Variants in REPIN1 observed in about 807,000 individuals in gnomAD.
The protein encoded by REPIN1 is DNA-binding protein REPIN1.
A neutral mutation model predicts 5.7 loss-of-function variants in REPIN1; 4 were observed. That is an observed-to-expected ratio of 0.71 (90% CI 0.35 to 1.62). The LOEUF (loss-of-function observed/expected upper bound fraction) is 1.62, where lower values mean the gene tolerates loss of function less well. Among genes scored for constraint, REPIN1 ranks in the 40% most tolerant of loss-of-function variants. The pLI, the probability that REPIN1 is intolerant of heterozygous loss-of-function variation, is 0.05. For synonymous variants in REPIN1, 410 were observed against 386.2 expected (o/e 1.06, Z -0.72); for missense variants, 854 against 901.0 (o/e 0.95, Z 0.67).
Position 150,371,351 on chromosome 7 carries a change from G to T in REPIN1, c.281G>T (p.Gly94Val). 1 of 1,589,074 alleles carries T rather than the reference G, an allele frequency of 6.3e-7. No individual in the cohort carries two copies. Residue 94 changes from glycine (G) to valine (V), a missense_variant, in exon 3 of 3, where the codon GGG (glycine) becomes GTG (valine). This residue lies in a region of REPIN1 where 409 missense variants were observed against 418.6 expected (regional missense o/e 0.98). Transcript: ENST00000489432. ...CAGACCCTGGGGAAGGAGTCCCGCG[G>T]GCTGAGGCAACAAGGCACGTCAGTG... The part of the protein sequence containing the change: ...SPQTLGKESR[G>V]LRQQGTSVAQ...
At chr7:150,369,577 T>G in intron 1 of REPIN1, 94 bp from the exon 2 acceptor site, 1 of 1,113,016 alleles carries the variant, frequency 9.0e-7, no homozygotes, top group Non-Finnish European at 1.3e-6. Flanking sequence ...CGTGTGGCTT[T>G]GTGGGGGGAG....
intron 2 of REPIN1, chr7:150,370,479 C>T (rs1799539766): frequency 2.2e-6 from 1 of 462,712 alleles, no homozygotes. Flanking sequence ...GGGCTCTGCT[C>T]CTGTTCCCCG....
chr7:150,371,902 G>T lies in REPIN1; in HGVS notation c.832G>T (p.Ala278Ser), dbSNP rs748725565. ...ALGPRPRGRP[A>S]VTAPRPGGDA... is the part of the protein sequence containing the mutation. The stretch of plus-strand genomic sequence containing the variant: ...GGGGCCCCGGCCCAGGGGCCGCCCC[G>T]CGGTGACCGCCCCCCGGCCCGGTGG... Residue 278 changes from alanine (A) to serine (S), a missense_variant, in exon 3 of 3, where the codon GCG (alanine) becomes TCG (serine). Coordinates refer to ENST00000489432, the MANE Select transcript of REPIN1 (RefSeq NM_001099695.2). 1.9e-6 allele frequency: 3 copies of T among 1,607,272 alleles called. No homozygotes were observed. The highest frequency in any genetic ancestry group is 2.7e-5 in the African/African-American group (2 of 74,850).
chr7:150,372,815 G>T lies in REPIN1; in HGVS notation c.1745G>T (p.Ser582Ile). Residue 582 changes from serine to isoleucine, a missense_variant, in exon 3 of 3, where the codon AGC becomes ATC. This residue lies in a region of REPIN1 where 101 missense variants were observed against 124.7 expected (regional missense o/e 0.81). Transcript: ENST00000489432. ...TGTCCCGACTGCGACCGCAGCTTCAGCCAGAAGTCCAACCTCATCACCCAC... is the reference window on the plus strand; with the variant it reads ...TGTCCCGACTGCGACCGCAGCTTCATCCAGAAGTCCAACCTCATCACCCAC... ...YACPDCDRSF[S>I]QKSNLITHRK... The T allele has an allele frequency of 6.2e-7, 1 of 1,612,458 alleles. No homozygotes were observed. Among genetic ancestry groups the T allele is most frequent in the South Asian group, 1.1e-5 (1 of 91,088 alleles).
Position 150,369,738 on chromosome 7 carries a change from GCA to G in REPIN1, c.28_29del (p.Gln10ValfsTer136), listed in dbSNP as rs778035619. MGIGVSLLLQFSLTPGGYRS... is the reference protein window; with the variant it reads MGIGVSLLLXFSLTPGGYRS... ...TGGGGATAGGGGTGTCTTTATTACT[GCA>G]GTTTTCTCTAACACCTGGGGGCTAC... is the stretch of plus-strand genomic sequence containing the variant. On this transcript the variant is annotated frameshift_variant, in exon 2 of 3. Coordinates refer to ENST00000489432, the MANE Select transcript of REPIN1 (RefSeq NM_001099695.2). LOFTEE classifies it high-confidence loss of function. The G allele has an allele frequency of 6.2e-7, 1 of 1,613,926 alleles. No individual in the cohort carries two copies. The highest frequency in any genetic ancestry group is 8.5e-7 in the Non-Finnish European group (1 of 1,179,852).
upstream of REPIN1, chr7:150,368,649 G>A: frequency 5.1e-6 from 1 of 195,180 alleles, no homozygotes; most frequent in Non-Finnish European, 1.0e-5. Flanking sequence ...CCCTGGCGCG[G>A]CAGTGGCTTG....
At position 150,372,385 on chromosome 7, in the gene REPIN1, A is replaced by G; in HGVS notation, c.1315A>G (p.Arg439Gly). ...CCTCTACAGCTGCGACGACTGCGGCAGGAGCTTCCGGCTGGAGCGCTTCCT... is the reference window on the plus strand; with the variant it reads ...CCTCTACAGCTGCGACGACTGCGGCGGGAGCTTCCGGCTGGAGCGCTTCCT... ...PSLYSCDDCG[R>G]SFRLERFLRA... Residue 439 changes from arginine (R) to glycine (G), a missense_variant, in exon 3 of 3, where the codon AGG becomes GGG. By Grantham distance (125) the Arg-to-Gly change is moderately radical. Coordinates refer to ENST00000489432, the MANE Select transcript of REPIN1 (RefSeq NM_001099695.2). 1 of 1,490,196 alleles carries G rather than the reference A, an allele frequency of 6.7e-7. No homozygotes were observed. The highest frequency in any genetic ancestry group is 8.9e-7 in the Non-Finnish European group (1 of 1,126,826). 92.3% of individuals were successfully genotyped at this position (1,490,196 alleles called of 1,614,324 possible). A position where few individuals can be genotyped will look rare whatever the true frequency, so the allele number is the denominator to read the frequency against.
chr7:150,371,676 C>T lies in REPIN1; in HGVS notation c.606C>T (p.Ile202=), dbSNP rs1799771186. The T allele has an allele frequency of 6.2e-6, 10 of 1,605,474 alleles. No individual in the cohort carries two copies. The highest frequency in any genetic ancestry group is 8.5e-6 in the Non-Finnish European group (10 of 1,179,684). ...CCCATTCAGCTGCAAAGCGGCCCAT[C>T]GCTTGTCCCAAATGCGAGAGACGCT... The part of the protein sequence containing the change: ...LRAHSAAKRP[I]ACPKCERRFW... Residue 202 remains isoleucine (I), a synonymous_variant, in exon 3 of 3, where the codon ATC becomes ATT. Coordinates refer to ENST00000489432, the MANE Select transcript of REPIN1 (RefSeq NM_001099695.2).
rs368116110 is a variant in REPIN1 at position 150,369,767 on chromosome 7, G to A, written c.56G>A (p.Arg19Gln). 42 of 1,613,782 alleles carry A rather than the reference G, an allele frequency of 2.6e-5. No individual in the cohort carries two copies. Among genetic ancestry groups the A allele is most frequent in the South Asian group, 1.6e-4 (15 of 91,090 alleles). ...LQFSLTPGGY[R>Q]SVGRSRRCSR... ...TTTTCTCTAACACCTGGGGGCTACC[G>A]GAGTGTGGGCCGAAGCAGGCGCTGC... is the stretch of plus-strand genomic sequence containing the variant. The change falls in exon 2 of 3, where the codon CGG becomes CAG. Residue 19 changes from arginine to glutamine, a missense_variant. Around this residue, in one of 5 missense-constraint regions of REPIN1, gnomAD observed 409 missense variants for 418.6 expected, o/e 0.98. Transcript: ENST00000489432.
Position 150,369,756 on chromosome 7 carries a change from T to G in REPIN1, c.45T>G (p.Pro15=). 1 of 1,613,908 alleles carries G rather than the reference T, an allele frequency of 6.2e-7. No individual in the cohort carries two copies. Among genetic ancestry groups the G allele is most frequent in the South Asian group, 1.1e-5 (1 of 91,084 alleles). ...TATTACTGCAGTTTTCTCTAACACC[T>G]GGGGGCTACCGGAGTGTGGGCCGAA... ...VSLLLQFSLT[P]GGYRSVGRSR... The change falls in exon 2 of 3, where the codon CCT becomes CCG. Residue 15 remains proline, a synonymous_variant. Transcript: ENST00000489432.
In REPIN1 at chr7:150,372,665, C is replaced by G. The variant is rs931072550; in HGVS notation, c.1595C>G (p.Ala532Gly). 2 of 1,611,770 alleles carry G rather than the reference C, an allele frequency of 1.2e-6. No individual in the cohort carries two copies. Among genetic ancestry groups the G allele is most frequent in the East Asian group, 4.5e-5 (2 of 44,858 alleles). The change falls in exon 3 of 3, where the codon GCG (alanine) becomes GGG (glycine). Residue 532 changes from alanine to glycine, a missense_variant. Coordinates refer to ENST00000489432, the MANE Select transcript of REPIN1 (RefSeq NM_001099695.2). ...GKAFRHKPYL[A>G]AHRRIHTGEK... ...GCCTTCCGCCACAAACCCTACCTGGCGGCGCACCGGCGCATCCACACCGGC... is the reference window on the plus strand; with the variant it reads ...GCCTTCCGCCACAAACCCTACCTGGGGGCGCACCGGCGCATCCACACCGGC...
intron 1 of REPIN1, chr7:150,369,433 C>T (rs1046147750): frequency 8.0e-6 from 4 of 498,806 alleles, no homozygotes; most frequent in Non-Finnish European, 1.5e-5. Context: ...GAATTCGTTC[C>T]GTGACCTTAC....
In REPIN1 at chr7:150,372,454, T is replaced by A; in HGVS notation, c.1384T>A (p.Cys462Ser). The change falls in exon 3 of 3, where the codon TGC (cysteine) becomes AGC (serine). Residue 462 changes from cysteine to serine, a missense_variant. Transcript: ENST00000489432. ...GCACACCGGGGAGCGGCCCTTCACC[T>A]GCGCCGAGTGCGGGAAGAACTTCGG... The part of the protein sequence containing the change: ...RQHTGERPFT[C>S]AECGKNFGKK... 1 of 1,530,624 alleles carries A rather than the reference T, an allele frequency of 6.5e-7. No individual in the cohort carries two copies. The allele number at this position is 1,530,624 out of a possible 1,614,324, so 94.8% of individuals were successfully genotyped here.
Position 150,368,919 on chromosome 7 carries a change from T to C in REPIN1, c.-64T>C, listed in dbSNP as rs3735166. On this transcript the variant is annotated 5_prime_UTR_variant, in exon 1 of 3. Transcript: ENST00000489432. ...TCGGGCTCCATGGACGGGCGCCGCG[T>C]CCCTGCACAGCCCGCCGCAGAGGTA... 120,354 of 340,042 alleles carry C rather than the reference T, an allele frequency of 0.35. 22,092 individuals carry two copies. Among genetic ancestry groups the C allele is most frequent in the East Asian group, 0.59 (13,148 of 22,434 alleles). The allele number at this position is 340,042 out of a possible 1,614,324, so 21.1% of individuals were successfully genotyped here. A position where few individuals can be genotyped will look rare whatever the true frequency, so the allele number is the denominator to read the frequency against.
intron 1 of REPIN1, chr7:150,369,277 G>A: frequency 4.9e-6 from 2 of 405,544 alleles, no homozygotes; most frequent in Admixed American, 3.7e-5. Flanking sequence ...CACACCAGCT[G>A]GCCCTGCGCA....
intron 2 of REPIN1, 108 bp from the exon 3 acceptor site, chr7:150,371,120 C>A (rs1360710640): frequency 2.4e-6 from 3 of 1,275,126 alleles, no homozygotes; most frequent in Non-Finnish European, 3.2e-6. Flanking sequence ...ATGTCCGGGG[C>A]TCTAGGGGTT....
chr7:150,369,356 C>G (rs1799262402), intron 1 of REPIN1: 1 of 387,962 alleles, frequency 2.6e-6, no homozygotes, highest in Admixed American at 3.6e-5. Flanking sequence ...AGCAGGGATT[C>G]CAGAGTTCCT....
chr7:150,369,987 T>A, intron 2 of REPIN1, 119 bp downstream of exon 2: 1 of 1,212,704 alleles, frequency 8.2e-7, no homozygotes, highest in Non-Finnish European at 1.1e-6. Context: ...CTGTGCACAG[T>A]CTGACACTGG....
intron 1 of REPIN1, chr7:150,369,370 A>G (rs937594308): frequency 4.8e-6 from 2 of 413,230 alleles, no homozygotes; most frequent in East Asian, 4.5e-5. Context: ...AGTTCCTGCC[A>G]TAGGCCGGCC....
Sources: allele counts gnomAD v4.1 joint callset, GRCh38; gene constraint gnomAD v4.1.1; regional missense constraint gnomAD v4.1.1; transcripts MANE v1.5; gene names NCBI Gene and HGNC (gene_info 2026-07-23, HGNC 2026-07-21).